The following PCSK6 variants were observed in gnomAD, a reference collection of about 807,000 sequenced individuals.
PCSK6 encodes proprotein convertase subtilisin/kexin type 6.
PCSK6 carries 85 observed loss-of-function variants against 123.3 expected under a neutral mutation model. The ratio of observed to expected loss-of-function variants is 0.69; its 90% CI spans 0.58 to 0.83. The LOEUF is 0.83. Among genes scored for constraint, PCSK6 ranks in the 40% least tolerant of loss-of-function variants. The pLI is 0.00. For synonymous variants in PCSK6, 508 were observed against 516.0 expected (o/e 0.98, Z 0.21); for missense variants, 1,191 against 1,282.3 (o/e 0.93, Z 1.09).
intron 13 of PCSK6, among the ~76,000 whole-genome samples, chr15:101,364,313 C>CA (rs1432441506): frequency 6.6e-6 from 1 of 152,190 alleles, no homozygotes; most frequent in Admixed American, 6.5e-5. Flanking sequence ...CGTTACTATG[C>CA]ATTCGACCCA....
At chr15:101,396,344 G>A (rs1272814179) in intron 7 of PCSK6, among the ~76,000 whole-genome samples, 2 of 152,182 alleles carry the variant, frequency 1.3e-5, no homozygotes, top group East Asian at 1.9e-4. Flanking sequence ...GTGAACCAGA[G>A]AGCCCGAACG....
In PCSK6 at chr15:101,366,308, C is replaced by T. The variant is rs763006038; in HGVS notation, c.1746G>A (p.Gly582=). The T allele has an allele frequency of 1.2e-6, 2 of 1,613,078 alleles. No homozygotes were observed. Among genetic ancestry groups the T allele is most frequent in the Non-Finnish European group, 1.7e-6 (2 of 1,179,492 alleles). ...CAGTCATGAATTCCCAGTTTGTAAA[C>T]CCTTCATTGGAAAGATCCAGCAACC... ...AKRLLDLSNE[G]FTNWEFMTVH... Residue 582 remains glycine (G), a synonymous_variant, in exon 13 of 22, where the codon GGG becomes GGA. Coordinates refer to ENST00000611716, the MANE Select transcript of PCSK6 (RefSeq NM_002570.5).
intron 17 of PCSK6, among the ~76,000 whole-genome samples, chr15:101,324,391 A>G (rs2220055): frequency 0.9 from 137,074 of 152,252 alleles, 61,824 homozygotes; most frequent in Middle Eastern, 0.96. Context: ...AATCCCATGT[A>G]CCCTGACCCA....
At chr15:101,447,158 G>A (rs2056913224) in intron 1 of PCSK6, among the ~76,000 whole-genome samples, 1 of 152,120 alleles carries the variant, frequency 6.6e-6, no homozygotes, top group Non-Finnish European at 1.5e-5. Flanking sequence ...ACCTACCACA[G>A]CAGGGTCCAC....
Position 101,305,035 on chromosome 15 carries a change from CTG to C in PCSK6, c.*221_*222del, listed in dbSNP as rs1054699398. 119 of 531,770 alleles carry C rather than the reference CTG, an allele frequency of 2.2e-4. 1 individual carries two copies. Among genetic ancestry groups the C allele is most frequent in the East Asian group, 1.3e-3 (43 of 32,946 alleles). 32.9% of individuals were successfully genotyped at this position (531,770 alleles called of 1,614,324 possible). A position where few individuals can be genotyped will look rare whatever the true frequency, so the allele number is the denominator to read the frequency against. On this transcript the variant is annotated 3_prime_UTR_variant, in exon 22 of 22. Transcript: ENST00000611716. This position sits in a 1 kb window ranked among gnomAD's most constrained non-coding sequence, Gnocchi z 4.8. ...TTGTTCCTGTTAGTTTGTCGGAAGACTGGAGCCAACAAGCAGCATTTGAGAGG... is the reference window on the plus strand; with the variant it reads ...TTGTTCCTGTTAGTTTGTCGGAAGACGAGCCAACAAGCAGCATTTGAGAGG...
chr15:101,372,774 A>G (rs1176083395), intron 11 of PCSK6, among the ~76,000 whole-genome samples: 1 of 152,204 alleles, frequency 6.6e-6, no homozygotes, highest in Non-Finnish European at 1.5e-5. Flanking sequence ...AAAACCAGGA[A>G]TAACCCTACA....
chr15:101,307,476 C>T, intron 20 of PCSK6, 151 bp from the exon 21 acceptor site: 1 of 616,502 alleles, frequency 1.6e-6, no homozygotes, highest in Non-Finnish European at 2.9e-6. Flanking sequence ...CATTCCCTGA[C>T]ACAGGGGCTG....
At chr15:101,402,974 A>G (rs2042638818) in intron 6 of PCSK6, among the ~76,000 whole-genome samples, 1 of 152,178 alleles carries the variant, frequency 6.6e-6, no homozygotes, top group South Asian at 2.1e-4. Context: ...ACGCACACAT[A>G]TGTTTATTGT....
rs550114755 is a variant in PCSK6, at chr15:101,397,823, T to C, written c.996+581A>G. Among the ~76,000 whole-genome samples the C allele has an allele frequency of 4.1e-4, 63 of 152,360 alleles. No individual in the cohort carries two copies. The East Asian group carries it at 8.7e-3, about 21-fold the overall frequency. On this transcript the variant is annotated intron_variant, in intron 7 of 21. Transcript: ENST00000611716. ...GCTGGCGGGTGGCCTCGCAGGAGCC[T>C]GCCAGCCTCCCCTTGGCCCATCGGC...
intron 1 of PCSK6, among the ~76,000 whole-genome samples, chr15:101,482,176 A>G: frequency 6.6e-6 from 1 of 152,240 alleles, no homozygotes; most frequent in Non-Finnish European, 1.5e-5. Flanking sequence ...GGTGAGTCAG[A>G]GGGTGTGGGG....
chr15:101,348,499 C>T (rs989512291), intron 13 of PCSK6, among the ~76,000 whole-genome samples: 1 of 152,222 alleles, frequency 6.6e-6, no homozygotes, highest in Non-Finnish European at 1.5e-5. Context: ...TCGTGAGACA[C>T]CGTCACAGCA....
At chr15:101,389,341 C>T in intron 9 of PCSK6, 123 bp downstream of exon 9, 1 of 742,142 alleles carries the variant, frequency 1.3e-6, no homozygotes, top group Non-Finnish European at 2.4e-6. Flanking sequence ...GTGCACGACT[C>T]ACTGAATGTG....
At chr15:101,484,426 C>T (rs769609387) in intron 1 of PCSK6, among the ~76,000 whole-genome samples, 4 of 151,880 alleles carry the variant, frequency 2.6e-5, no homozygotes, top group Non-Finnish European at 4.4e-5. Context: ...CTCTACTCGT[C>T]GGCCAGACTG....
intron 11 of PCSK6, 103 bp from the exon 12 acceptor site, chr15:101,370,626 T>TCAGGGCCCG: frequency 8.9e-7 from 1 of 1,123,514 alleles, no homozygotes; most frequent in Non-Finnish European, 1.2e-6. Flanking sequence ...CACTGCAGCC[T>TCAGGGCCCG]CAGGGCCCTG....
intron 6 of PCSK6, among the ~76,000 whole-genome samples, chr15:101,400,923 C>A (rs766198330): frequency 2.6e-5 from 4 of 152,174 alleles, no homozygotes; most frequent in African/African-American, 9.7e-5. Context: ...AAGGTTTTCC[C>A]CTTAATATAT....
In PCSK6 at chr15:101,419,341, A is replaced by C. The variant is rs551399038; in HGVS notation, c.823+8551T>G. Among the ~76,000 whole-genome samples the C allele has an allele frequency of 7.2e-5, 11 of 152,306 alleles. 1 individual carries two copies. In the South Asian group the frequency reaches 2.1e-3, roughly 29 times the overall value. ...AGAAATACAAATTTTTAAAAAATCTAGATATATATCTAATAAGAAATGTAT... is the reference window on the plus strand; with the variant it reads ...AGAAATACAAATTTTTAAAAAATCTCGATATATATCTAATAAGAAATGTAT... On this transcript the variant is annotated intron_variant, in intron 6 of 21. Transcript: ENST00000611716.
In PCSK6 at chr15:101,384,371, C is replaced by T. The variant is rs74032814; in HGVS notation, c.1365G>A (p.Pro455=). 7,773 of 1,613,756 alleles carry T rather than the reference C, an allele frequency of 4.8e-3. 57 individuals are homozygous for T. The highest frequency in any genetic ancestry group is 0.03 in the African/African-American group (2,251 of 75,012). ...TCCAGTCGCTCGCTTTCAGGTGGGCCGGCCGGGATGTCTTCACTAGCAGGT... is the reference window on the plus strand; with the variant it reads ...TCCAGTCGCTCGCTTTCAGGTGGGCTGGCCGGGATGTCTTCACTAGCAGGT... The part of the protein sequence containing the change: ...VQHLLVKTSR[P]AHLKASDWKV... Residue 455 remains proline, a synonymous_variant, in exon 10 of 22, where the codon CCG becomes CCA. Coordinates refer to ENST00000611716, the MANE Select transcript of PCSK6 (RefSeq NM_002570.5).
At chr15:101,350,213 T>C (rs2040854637) in intron 13 of PCSK6, among the ~76,000 whole-genome samples, 1 of 152,238 alleles carries the variant, frequency 6.6e-6, no homozygotes, top group South Asian at 2.1e-4. Flanking sequence ...GCCTTTAGTT[T>C]ATATTTTATT....
At chr15:101,332,757 C>T (rs2141372824) in intron 13 of PCSK6, among the ~76,000 whole-genome samples, 1 of 152,310 alleles carries the variant, frequency 6.6e-6, no homozygotes, top group South Asian at 2.1e-4. Flanking sequence ...GAGCTCCCAG[C>T]CAACATGGGG....
Sources: gnomAD v4.1 joint callset for allele counts (sites outside exome capture counted in the v4.1 genomes callset) on GRCh38, gnomAD v4.1.1 for gene constraint, Gnocchi (gnomAD v3.1) non-coding constraint, MANE v1.5 for transcripts, NCBI Gene and HGNC (gene_info 2026-07-23, HGNC 2026-07-21) for gene names.